EMX1: variants seen among roughly 807,000 people sequenced by gnomAD.
EMX1 encodes the protein homeobox protein EMX1.
EMX1 carries 10 observed loss-of-function variants against 20.1 expected under a neutral mutation model. The ratio of observed to expected loss-of-function variants is 0.50; its 90% CI spans 0.31 to 0.84. EMX1 has a LOEUF of 0.84. EMX1 is among the 40% of genes least tolerant of loss of function. The probability of loss-of-function intolerance (pLI) is 0.05; values close to 1 mark genes in which losing one functional copy is unlikely to be tolerated. For synonymous variants in EMX1, 250 were observed against 200.4 expected, an observed-to-expected ratio of 1.25 and a Z score of -2.09; for missense variants, 424 against 431.9, an observed-to-expected ratio of 0.98 and a Z score of 0.16.
In EMX1 at chr2:72,934,564, G is replaced by A. The variant is rs1420973084; in HGVS notation, c.*610G>A. The A allele has an allele frequency of 6.5e-5, 10 of 152,744 alleles. No individual in the cohort carries two copies. Among genetic ancestry groups the A allele is most frequent in the African/African-American group, 2.2e-4 (9 of 41,436 alleles). The allele number at this position is 152,744 out of a possible 1,614,324, so 9.5% of individuals were successfully genotyped here. A position where few individuals can be genotyped will look rare whatever the true frequency, so the allele number is the denominator to read the frequency against. ...GCAGGAGAAACAGGCTAGACATAGG[G>A]AAGGGCCATCCTGTATCTTGAGGGA... On this transcript the variant is annotated 3_prime_UTR_variant, in exon 3 of 3. Transcript: ENST00000258106.
chr2:72,918,436 G>GAGGCTCGGGGGCGCGCGGGGC, intron 1 of EMX1, 64 bp downstream of exon 1: 2 of 1,348,388 alleles, frequency 1.5e-6, no homozygotes, highest in Non-Finnish European at 1.9e-6. Context: ...CGATGCGGGG[G>GAGGCTCGGGGGCGCGCGGGGC]AGGCTCGGGG....
At chr2:72,932,153 G>A (rs1264752401) in intron 2 of EMX1, among the ~76,000 whole-genome samples, 3 of 152,216 alleles carry the variant, frequency 2.0e-5, no homozygotes, top group African/African-American at 7.2e-5. Context: ...CATCATTGCT[G>A]CTGCCAAAAC....
Position 72,917,943 on chromosome 2 carries a change from G to C in EMX1, c.91G>C (p.Ala31Pro), listed in dbSNP as rs1199759015. Residue 31 changes from alanine (A) to proline (P), a missense_variant, in exon 1 of 3, where the codon GCT (alanine) becomes CCT (proline). By Grantham distance (27) the Ala-to-Pro change is conservative (BLOSUM62 -1). Around this residue, in one of 2 missense-constraint regions of EMX1, gnomAD observed 333 missense variants for 296.6 expected, o/e 1.12. Transcript: ENST00000258106. ...CCGGCTGCCTCGCACAGCTCCCGCG[G>C]CTGCGACCATGTTCCAGCCCGCGGC... ...RARLPRTAPAAATMFQPAAKR... is the reference protein window; with the variant it reads ...RARLPRTAPAPATMFQPAAKR... 1.1e-5 allele frequency: 17 copies of C among 1,486,244 alleles called. No homozygotes were observed. The highest frequency in any genetic ancestry group is 1.4e-5 in the Non-Finnish European group (16 of 1,126,092). The allele number at this position is 1,486,244 out of a possible 1,614,324, so 92.1% of individuals were successfully genotyped here. A position where few individuals can be genotyped will look rare whatever the true frequency, so the allele number is the denominator to read the frequency against.
At chr2:72,918,395 C>T (rs1360861001) in intron 1 of EMX1, 23 bp downstream of exon 1, 2 of 1,364,234 alleles carry the variant, frequency 1.5e-6, no homozygotes, top group East Asian at 6.2e-5. Flanking sequence ...GCTGTGCCCG[C>T]CGAGGCGGCC....
At chr2:72,933,426 A>C in intron 2 of EMX1, 1 of 236,544 alleles carries the variant, frequency 4.2e-6, no homozygotes, top group East Asian at 9.6e-5. Context: ...TCTCCTCTAG[A>C]AACTCGTAGA....
chr2:72,916,285 G>A (rs1481577979), upstream of EMX1: 1 of 211,624 alleles, frequency 4.7e-6, no homozygotes, highest in African/African-American at 2.4e-5. Context: ...CGGACCCCGT[G>A]GCCTTGGGGC....
At chr2:72,922,093 C>G (rs1671113383) in intron 1 of EMX1, among the ~76,000 whole-genome samples, 1 of 152,242 alleles carries the variant, frequency 6.6e-6, no homozygotes, top group Non-Finnish European at 1.5e-5. Flanking sequence ...AGCCTCACTT[C>G]TGACCAACCT....
At chr2:72,922,317 A>G (rs535761438) in intron 1 of EMX1, among the ~76,000 whole-genome samples, 5 of 152,196 alleles carry the variant, frequency 3.3e-5, no homozygotes, top group Admixed American at 6.5e-5. Flanking sequence ...GCCCCACCCC[A>G]GAGACTTTAA....
intron 2 of EMX1, among the ~76,000 whole-genome samples, chr2:72,931,729 C>T (rs779530888): frequency 2.6e-5 from 4 of 152,266 alleles, no homozygotes; most frequent in Admixed American, 6.5e-5. Context: ...GGAGAATCCC[C>T]TTGCCCTCAC....
At chr2:72,929,658 A>G (rs941952423) in intron 2 of EMX1, among the ~76,000 whole-genome samples, 5 of 152,206 alleles carry the variant, frequency 3.3e-5, no homozygotes, top group Non-Finnish European at 7.3e-5. Context: ...AGACTTTTCC[A>G]TTTGCAGGAG....
At chr2:72,933,500 A>G in intron 2 of EMX1, 2 of 400,744 alleles carry the variant, frequency 5.0e-6, no homozygotes. Context: ...TGCTGGGGCT[A>G]GAGGAGCTAG....
rs948924584 is a variant in EMX1, at chr2:72,917,934, G to A, written c.82G>A (p.Ala28Thr). The change falls in exon 1 of 3, where the codon GCT becomes ACT. Residue 28 changes from alanine (A) to threonine (T), a missense_variant. By Grantham distance (58) the Ala-to-Thr change is moderately conservative (BLOSUM62 0). Transcript: ENST00000258106. ...CCCCAGAGCCCGGCTGCCTCGCACA[G>A]CTCCCGCGGCTGCGACCATGTTCCA... ...ALPRARLPRT[A>T]PAAATMFQPA... 6.7e-7 allele frequency: 1 copy of A among 1,485,832 alleles called. No individual in the cohort carries two copies. Among genetic ancestry groups the A allele is most frequent in the Admixed American group, 2.3e-5 (1 of 44,326 alleles). 92.0% of individuals were successfully genotyped at this position (1,485,832 alleles called of 1,614,324 possible). A position where few individuals can be genotyped will look rare whatever the true frequency, so the allele number is the denominator to read the frequency against.
At chr2:72,916,617 G>A (rs1279208487), upstream of EMX1, 1 of 677,288 alleles carries the variant, frequency 1.5e-6, no homozygotes, top group Non-Finnish European at 2.7e-6. Flanking sequence ...GGTCGCGGGT[G>A]GAAGGTGAAG....
Position 72,917,928 on chromosome 2 carries a change from C to G in EMX1, c.76C>G (p.Arg26Gly), listed in dbSNP as rs917411978. ...RGALPRARLP[R>G]TAPAAATMFQ... ...AGCGCTCCCCAGAGCCCGGCTGCCTCGCACAGCTCCCGCGGCTGCGACCAT... is the reference window on the plus strand; with the variant it reads ...AGCGCTCCCCAGAGCCCGGCTGCCTGGCACAGCTCCCGCGGCTGCGACCAT... Residue 26 changes from arginine to glycine, a missense_variant, in exon 1 of 3, where the codon CGC becomes GGC. By Grantham distance (125) the Arg-to-Gly change is moderately radical. Coordinates refer to ENST00000258106, the MANE Select transcript of EMX1 (RefSeq NM_004097.3). 2 of 1,485,584 alleles carry G rather than the reference C, an allele frequency of 1.3e-6. No homozygotes were observed. Among genetic ancestry groups the G allele is most frequent in the Admixed American group, 2.3e-5 (1 of 44,298 alleles). 92.0% of individuals were successfully genotyped at this position (1,485,584 alleles called of 1,614,324 possible). A position where few individuals can be genotyped will look rare whatever the true frequency, so the allele number is the denominator to read the frequency against.
At chr2:72,923,833 C>T in intron 1 of EMX1, 1 of 231,646 alleles carries the variant, frequency 4.3e-6, no homozygotes, top group Non-Finnish European at 8.7e-6. Context: ...CCAGCCCTGC[C>T]TCTACCCTGG....
chr2:72,924,193 A>T (rs1312587102), intron 1 of EMX1, 116 bp from the exon 2 acceptor site: 1 of 1,297,892 alleles, frequency 7.7e-7, no homozygotes, highest in Non-Finnish European at 1.1e-6. Flanking sequence ...CAAGGAATGG[A>T]GAGGGCAGGG....
At chr2:72,926,237 C>T (rs1671198405) in intron 2 of EMX1, 1 of 985,430 alleles carries the variant, frequency 1.0e-6, no homozygotes, top group Non-Finnish European at 1.2e-6. Flanking sequence ...AATTAACTCT[C>T]TTTCAAACTG....
Position 72,919,690 on chromosome 2 carries a change from A to T in EMX1, c.520+1318A>T, listed in dbSNP as rs139903466. 4.0e-3 allele frequency among the ~76,000 whole-genome samples: 604 copies of T among 152,336 alleles called. 6 individuals are homozygous for T. Among genetic ancestry groups the T allele is most frequent in the African/African-American group, 0.014 (581 of 41,566 alleles). ...AGATGCTGACCTGGCAGATACCACAAAACCAGAGAATGTAATTACTAGAAT... is the reference window on the plus strand; with the variant it reads ...AGATGCTGACCTGGCAGATACCACATAACCAGAGAATGTAATTACTAGAAT... On this transcript the variant is annotated intron_variant, in intron 1 of 2. Coordinates refer to ENST00000258106, the MANE Select transcript of EMX1 (RefSeq NM_004097.3).
rs1671023384 is a variant in EMX1, at chr2:72,918,165, G to C, written c.313G>C (p.Ala105Pro). ...FVSGFPAAAA[A>P]GAGRSLYGGP... is the part of the protein sequence containing the mutation. ...GAGTGGCTTCCCTGCCGCGGCCGCCGCGGGCGCGGGCCGCTCGCTCTACGG... is the reference window on the plus strand; with the variant it reads ...GAGTGGCTTCCCTGCCGCGGCCGCCCCGGGCGCGGGCCGCTCGCTCTACGG... The change falls in exon 1 of 3, where the codon GCG becomes CCG. Residue 105 changes from alanine (A) to proline (P), a missense_variant. Physicochemically the swap from Ala to Pro is conservative, Grantham distance 27. Coordinates refer to ENST00000258106, the MANE Select transcript of EMX1 (RefSeq NM_004097.3). 6.0e-6 allele frequency: 9 copies of C among 1,504,140 alleles called. No homozygotes were observed. The highest frequency in any genetic ancestry group is 7.9e-6 in the Non-Finnish European group (9 of 1,141,926). 93.2% of individuals were successfully genotyped at this position (1,504,140 alleles called of 1,614,324 possible).
Sources: allele counts gnomAD v4.1 joint callset (sites outside exome capture counted in the v4.1 genomes callset), GRCh38; gene constraint gnomAD v4.1.1; regional missense constraint gnomAD v4.1.1; transcripts MANE v1.5; gene names NCBI Gene and HGNC (gene_info 2026-07-23, HGNC 2026-07-21).